The following SHOC1 variants were observed in gnomAD, a reference collection of about 807,000 sequenced individuals.
SHOC1 encodes the protein shortage in chiasmata 1.
Under a neutral mutation model 179.2 loss-of-function variants are expected in SHOC1, and 136 were observed. The observed-to-expected ratio is 0.76, with a 90% CI of 0.66 to 0.87. SHOC1 has a LOEUF of 0.87. Ranked by LOEUF, SHOC1 falls within the 40% of genes least tolerant of loss-of-function variation. The pLI, the probability that SHOC1 is intolerant of heterozygous loss-of-function variation, is 0.00. For missense variants in SHOC1, 1,538 were observed against 1,700.8 expected (o/e 0.90, Z 1.68); for synonymous variants, 489 against 586.6 (o/e 0.83, Z 2.41).
At chr9:111,702,657 T>C (rs1453635000) in intron 22 of SHOC1, among the ~76,000 whole-genome samples, 1 of 152,210 alleles carries the variant, frequency 6.6e-6, no homozygotes, top group Non-Finnish European at 1.5e-5. Context: ...CACTGCATGG[T>C]TATTCAGAGG....
chr9:111,746,208 G>A (rs1475286735), intron 10 of SHOC1, 26 bp downstream of exon 10: 2 of 1,412,618 alleles, frequency 1.4e-6, no homozygotes, highest in African/African-American at 2.8e-5. Flanking sequence ...ATTGCAACAT[G>A]GGTTCTAGAT....
At chr9:111,765,323 C>T (rs1835306653) in intron 5 of SHOC1, among the ~76,000 whole-genome samples, 1 of 152,116 alleles carries the variant, frequency 6.6e-6, no homozygotes, top group Non-Finnish European at 1.5e-5. Context: ...TTTGGCTGGG[C>T]ACAGTGGCTG....
intron 16 of SHOC1, among the ~76,000 whole-genome samples, chr9:111,717,909 G>T (rs987020384): frequency 6.6e-6 from 1 of 152,134 alleles, no homozygotes; most frequent in Non-Finnish European, 1.5e-5. Context: ...AGTCATGCAT[G>T]ATAATGATTA....
rs1833388059 is a variant in SHOC1 at position 111,728,008 on chromosome 9, T to C, written c.1459A>G (p.Ile487Val). 2.5e-6 allele frequency: 4 copies of C among 1,606,394 alleles called. No homozygotes were observed. The highest frequency in any genetic ancestry group is 3.4e-6 in the Non-Finnish European group (4 of 1,177,632). The change falls in exon 13 of 28, where the codon ATT (isoleucine) becomes GTT (valine). Residue 487 changes from isoleucine (I) to valine (V), a missense_variant. Ile to Val is a conservative substitution (Grantham distance 29). Transcript: ENST00000682961. ...TGAGCATTTGTAGATTTTTCATCAA[T>C]AAGTGCAATAGGTGAAGAATGACTT... ...HKSHSSPIAL[I>V]DEKSTNAHLS...
In SHOC1 at chr9:111,713,281, A is replaced by G. The variant is rs79659561; in HGVS notation, c.2416-109T>C. On this transcript the variant is annotated intron_variant, in intron 17 of 27. Coordinates refer to ENST00000682961, the MANE Select transcript of SHOC1 (RefSeq NM_001378211.1). ...AATTGGTTCTATGAAACTAATGACA[A>G]TAAGATTACAAAGCAAATATTTCTG... is the stretch of plus-strand genomic sequence containing the variant. 1,103 of 570,166 alleles carry G rather than the reference A, an allele frequency of 1.9e-3. 11 individuals carry two copies. In the African/African-American group the frequency reaches 0.019, roughly 10 times the overall value. The allele number at this position is 570,166 out of a possible 1,614,324, so 35.3% of individuals were successfully genotyped here. A position where few individuals can be genotyped will look rare whatever the true frequency, so the allele number is the denominator to read the frequency against.
At chr9:111,740,831 C>A (rs1834000829) in intron 11 of SHOC1, among the ~76,000 whole-genome samples, 1 of 152,218 alleles carries the variant, frequency 6.6e-6, no homozygotes, top group African/African-American at 2.4e-5. Flanking sequence ...GTCGGCCTCC[C>A]AAAGTGCTGG....
At chr9:111,725,233 A>C (rs1211391309) in intron 13 of SHOC1, among the ~76,000 whole-genome samples, 1 of 152,220 alleles carries the variant, frequency 6.6e-6, no homozygotes, top group East Asian at 1.9e-4. Flanking sequence ...TAATTATTAA[A>C]ATTTTTGAGG....
chr9:111,791,631 A>C (rs1836448971), intron 1 of SHOC1, among the ~76,000 whole-genome samples, 177 bp from the exon 2 acceptor site: 2 of 152,236 alleles, frequency 1.3e-5, no homozygotes, highest in Admixed American at 1.3e-4. Flanking sequence ...GTATATTGAT[A>C]GAAAATTGAA....
At chr9:111,756,048 G>A (rs1353323595) in intron 8 of SHOC1, among the ~76,000 whole-genome samples, 1 of 152,158 alleles carries the variant, frequency 6.6e-6, no homozygotes, top group East Asian at 1.9e-4. Flanking sequence ...CTTGAACCTG[G>A]GAGGCGGAGG....
chr9:111,793,669 C>A (rs1399867814), intron 1 of SHOC1, among the ~76,000 whole-genome samples: 7 of 96,182 alleles, frequency 7.3e-5, no homozygotes, highest in Non-Finnish European at 1.7e-4. Context: ...TGAATTGCAG[C>A]AATTCTCGAA....
intron 26 of SHOC1, among the ~76,000 whole-genome samples, chr9:111,693,581 AAAAT>A (rs1341415058): frequency 6.6e-6 from 1 of 151,856 alleles, no homozygotes; most frequent in Non-Finnish European, 1.5e-5. Context: ...CCAGCCTGGA[AAAAT>A]AAATAAATAA....
chr9:111,785,898 G>A lies in SHOC1; in HGVS notation c.169+14C>T, dbSNP rs1042686854. The A allele has an allele frequency of 1.4e-6, 2 of 1,441,124 alleles. No homozygotes were observed. Among genetic ancestry groups the A allele is most frequent in the Admixed American group, 6.5e-5 (2 of 30,594 alleles). The allele number at this position is 1,441,124 out of a possible 1,614,324, so 89.3% of individuals were successfully genotyped here. On this transcript the variant is annotated intron_variant, in intron 3 of 27. Coordinates refer to ENST00000682961, the MANE Select transcript of SHOC1 (RefSeq NM_001378211.1). Reference sequence around the variant, plus strand: ...CTTTTAAAACACATTTTTAAGAAATGAAAACAAACATACCTCTCGTCCATG... The same window carrying A: ...CTTTTAAAACACATTTTTAAGAAATAAAAACAAACATACCTCTCGTCCATG...
At chr9:111,767,402 T>C (rs1315855473) in intron 5 of SHOC1, among the ~76,000 whole-genome samples, 1 of 152,212 alleles carries the variant, frequency 6.6e-6, no homozygotes, top group Non-Finnish European at 1.5e-5. Context: ...TTCATTCTTC[T>C]GCATATAGTC....
chr9:111,759,612 G>C (rs1835048982), intron 5 of SHOC1: 9 of 1,005,756 alleles, frequency 8.9e-6, no homozygotes, highest in Non-Finnish European at 1.1e-5. Flanking sequence ...TGAGTAGAAA[G>C]AGAAAAAGAA....
At chr9:111,752,904 GA>G (rs1279446462) in intron 8 of SHOC1, among the ~76,000 whole-genome samples, 4 of 152,062 alleles carry the variant, frequency 2.6e-5, no homozygotes, top group Non-Finnish European at 5.9e-5. Flanking sequence ...AAAACAATAA[GA>G]AAAAAATTGA....
In SHOC1 at chr9:111,702,528, T is replaced by A. The variant is rs115689525; in HGVS notation, c.2968-302A>T. ...TGGCACGCCATAGGCTAGTCCAATT[T>A]TCTATTGCCTTTGGAATAATCAGAT... On this transcript the variant is annotated intron_variant, in intron 22 of 27. Coordinates refer to ENST00000682961, the MANE Select transcript of SHOC1 (RefSeq NM_001378211.1). 2.5e-3 allele frequency among the ~76,000 whole-genome samples: 377 copies of A among 152,348 alleles called. 1 individual carries two copies. The highest frequency in any genetic ancestry group is 8.2e-3 in the African/African-American group (341 of 41,596).
At chr9:111,703,698 A>C (rs1832095038) in intron 22 of SHOC1, among the ~76,000 whole-genome samples, 183 bp downstream of exon 22, 1 of 152,200 alleles carries the variant, frequency 6.6e-6, no homozygotes, top group African/African-American at 2.4e-5. Flanking sequence ...AAAAGCTATA[A>C]GGCATCAGAG....
chr9:111,701,388 A>C (rs545401632), intron 23 of SHOC1, among the ~76,000 whole-genome samples: 139 of 152,294 alleles, frequency 9.1e-4, no homozygotes, highest in Non-Finnish European at 1.2e-3. Context: ...ACATAAAACT[A>C]TCTCAGAATA....
chr9:111,741,644 AT>A, intron 10 of SHOC1, 74 bp from the exon 11 acceptor site: 3 of 818,630 alleles, frequency 3.7e-6, no homozygotes, highest in Non-Finnish European at 5.4e-6. Context: ...ATTTTATTTT[AT>A]TTTTTTGAGG....
Sources: allele counts gnomAD v4.1 joint callset (sites outside exome capture counted in the v4.1 genomes callset), GRCh38; gene constraint gnomAD v4.1.1; transcripts MANE v1.5; gene names NCBI Gene and HGNC (gene_info 2026-07-23, HGNC 2026-07-21).